SLC13A5: variants seen among roughly 807,000 people sequenced by gnomAD.
The protein encoded by SLC13A5 is Na(+)/citrate cotransporter.
Under a neutral mutation model 56.5 loss-of-function variants are expected in SLC13A5, and 25 were observed. The ratio of observed to expected loss-of-function variants is 0.44; its 90% confidence interval spans 0.32 to 0.62. The LOEUF is 0.62. Among genes scored for constraint, SLC13A5 ranks in the 20% least tolerant of loss-of-function variants. The pLI is 0.04. For synonymous variants in SLC13A5, 307 were observed against 301.5 expected (o/e 1.02, Z -0.19); for missense variants, 649 against 737.8 (o/e 0.88, Z 1.39).
chr17:6,706,532 C>T, intron 3 of SLC13A5, 110 bp downstream of exon 3: 2 of 1,456,304 alleles, frequency 1.4e-6, no homozygotes, highest in Non-Finnish European at 1.8e-6. Context: ...TCCAGGTAAG[C>T]CCATGGCCAG....
chr17:6,701,402 C>T lies in SLC13A5; in HGVS notation c.717-276G>A, dbSNP rs1973708666. On this transcript the variant is annotated intron_variant, in intron 5 of 11. Transcript: ENST00000433363. The surrounding 1 kb of genome is among the most constrained non-coding windows in gnomAD (Gnocchi z 4.1). ...CTAAGAGTCTCATGGAAGTTATGGC[C>T]CATCCCTCCAGAAAAATACAACTTT... 6.6e-6 allele frequency among the ~76,000 whole-genome samples: 1 copy of T among 152,200 alleles called. No individual in the cohort carries two copies.
rs115733013 is a variant in SLC13A5 at position 6,692,893 on chromosome 17, T to C, written c.1275+151A>G. 3 of 660,104 alleles carry C rather than the reference T, an allele frequency of 4.5e-6. No individual in the cohort carries two copies. The highest frequency in any genetic ancestry group is 5.5e-6 in the Non-Finnish European group (2 of 365,868). 40.9% of individuals were successfully genotyped at this position (660,104 alleles called of 1,614,324 possible). ...CTGTGTGTGGTGTAGAGTTCCTAGATGACAAGACAGAGTCCATGTCCTCAA... is the reference window on the plus strand; with the variant it reads ...CTGTGTGTGGTGTAGAGTTCCTAGACGACAAGACAGAGTCCATGTCCTCAA... On this transcript the variant is annotated intron_variant, in intron 9 of 11. Coordinates refer to ENST00000433363, the MANE Select transcript of SLC13A5 (RefSeq NM_177550.5). The surrounding 1 kb of genome is among the most constrained non-coding windows in gnomAD (Gnocchi z 5.5).
rs267605025 is a variant in SLC13A5, at chr17:6,703,915, C to G, written c.510G>C (p.Leu170=). The G allele has an allele frequency of 4.4e-6, 7 of 1,583,668 alleles. No individual in the cohort carries two copies. The highest frequency in any genetic ancestry group is 6.0e-6 in the Non-Finnish European group (7 of 1,163,056). Residue 170 remains leucine, a synonymous_variant, in exon 4 of 12, where the codon CTG becomes CTC. Coordinates refer to ENST00000433363, the MANE Select transcript of SLC13A5 (RefSeq NM_177550.5). The part of the protein sequence containing the change: ...EATSAATEAG[L]ELVDKGKAKE... ...TGGCCTTGCCCTTGTCCACCAGCTC[C>G]AGGCCGGCCTCGGTGGCTGCGCTTG...
intron 6 of SLC13A5, among the ~76,000 whole-genome samples, chr17:6,698,372 G>A (rs539234496): frequency 6.6e-6 from 1 of 152,304 alleles, no homozygotes; most frequent in South Asian, 2.1e-4. Context: ...AGTCTCCAGG[G>A]GCCTGACATC....
At position 6,711,051 on chromosome 17, in the gene SLC13A5, A is replaced by C. The variant is rs1974008659; in HGVS notation, c.102+2181T>G. 6.6e-6 allele frequency among the ~76,000 whole-genome samples: 1 copy of C among 151,924 alleles called. No individual in the cohort carries two copies. Among genetic ancestry groups the C allele is most frequent in the Non-Finnish European group, 1.5e-5 (1 of 67,972 alleles). Reference sequence around the variant, plus strand: ...AGGGAATCCAGGTGGAGACAGGAAAACTGGAGACAGTCGGTGAGGAGAGAG... The same window carrying C: ...AGGGAATCCAGGTGGAGACAGGAAACCTGGAGACAGTCGGTGAGGAGAGAG... On this transcript the variant is annotated intron_variant, in intron 1 of 11. Coordinates refer to ENST00000433363, the MANE Select transcript of SLC13A5 (RefSeq NM_177550.5). The surrounding 1 kb of genome is among the most constrained non-coding windows in gnomAD (Gnocchi z 4.0).
At position 6,687,880 on chromosome 17, in the gene SLC13A5, C is replaced by T. The variant is rs2150962081; in HGVS notation, c.1438-214G>A. 1 of 496,584 alleles carries T rather than the reference C, an allele frequency of 2.0e-6. No homozygotes were observed. Among genetic ancestry groups the T allele is most frequent in the Admixed American group, 4.3e-5 (1 of 23,408 alleles). 30.8% of individuals were successfully genotyped at this position (496,584 alleles called of 1,614,324 possible). ...GGCCACCTGCCCTAGAAGGCCTTAC[C>T]CCCTCAATTCATTCGACATGTATTT... On this transcript the variant is annotated intron_variant, in intron 10 of 11. Transcript: ENST00000433363. This position sits in a 1 kb window ranked among gnomAD's most constrained non-coding sequence, Gnocchi z 5.0.
Position 6,703,860 on chromosome 17 carries a change from C to A in SLC13A5, c.547+18G>T. ...AGGCTGCTGTTGTGGCCTGGCAGTGCCCTGGCCAGGGGCTCACCTGGCAGC... is the reference window on the plus strand; with the variant it reads ...AGGCTGCTGTTGTGGCCTGGCAGTGACCTGGCCAGGGGCTCACCTGGCAGC... On this transcript the variant is annotated intron_variant, in intron 4 of 11. Transcript: ENST00000433363. 6.6e-7 allele frequency: 1 copy of A among 1,520,560 alleles called. No individual in the cohort carries two copies. Among genetic ancestry groups the A allele is most frequent in the Non-Finnish European group, 8.8e-7 (1 of 1,135,642 alleles). The allele number at this position is 1,520,560 out of a possible 1,614,324, so 94.2% of individuals were successfully genotyped here. A position where few individuals can be genotyped will look rare whatever the true frequency, so the allele number is the denominator to read the frequency against.
At chr17:6,690,061 CAAAAAAAA>C (rs71157211) in intron 10 of SLC13A5, 1 of 33,392 alleles carries the variant, frequency 3.0e-5, no homozygotes, top group East Asian at 1.4e-3. Flanking sequence ...GAAGGAAATG[CAAAAAAAA>C]AAAAAAAAAA....
At chr17:6,707,901 T>G (rs1216807966) in intron 1 of SLC13A5, among the ~76,000 whole-genome samples, 1 of 152,194 alleles carries the variant, frequency 6.6e-6, no homozygotes, top group Admixed American at 6.5e-5. Flanking sequence ...CTAAAGCTAT[T>G]GAAATAAAAG....
chr17:6,705,719 A>G (rs938373395), intron 3 of SLC13A5, among the ~76,000 whole-genome samples: 3 of 152,168 alleles, frequency 2.0e-5, no homozygotes, highest in Non-Finnish European at 4.4e-5. Flanking sequence ...AGCCCCTGAC[A>G]CAGGGGCGCC....
Position 6,703,106 on chromosome 17 carries a change from C to T in SLC13A5, c.580G>A (p.Gly194Arg). The change falls in exon 5 of 12, where the codon GGG becomes AGG. Residue 194 changes from glycine to arginine, a missense_variant. Transcript: ENST00000433363. Reference sequence around the variant, plus strand: ...TTCCGCTCTTGGTCTTCCTGCTGCCCCAGAGTGGGGCCTTCAAAAATCACT... The same window carrying T: ...TTCCGCTCTTGGTCTTCCTGCTGCCTCAGAGTGGGGCCTTCAAAAATCACT... ...SQVIFEGPTL[G>R]QQEDQERKRL... is the part of the protein sequence containing the mutation. The T allele has an allele frequency of 6.2e-7, 1 of 1,614,178 alleles. No homozygotes were observed. The highest frequency in any genetic ancestry group is 1.3e-5 in the African/African-American group (1 of 75,076).
chr17:6,701,615 C>T lies in SLC13A5; in HGVS notation c.717-489G>A, dbSNP rs1973714980. On this transcript the variant is annotated intron_variant, in intron 5 of 11. Coordinates refer to ENST00000433363, the MANE Select transcript of SLC13A5 (RefSeq NM_177550.5). This position sits in a 1 kb window ranked among gnomAD's most constrained non-coding sequence, Gnocchi z 4.1. The stretch of plus-strand genomic sequence containing the variant: ...ATCCCAGCTAATAGGGAGGCTGAAG[C>T]GGGAGAATCGCTTGAACCCAGGAGG... 1.3e-5 allele frequency among the ~76,000 whole-genome samples: 2 copies of T among 152,238 alleles called. No homozygotes were observed. Among genetic ancestry groups the T allele is most frequent in the South Asian group, 2.1e-4 (1 of 4,826 alleles).
rs753260485 is a variant in SLC13A5, at chr17:6,687,597, T to G, written c.1507A>C (p.Met503Leu). ...TTTGGAGGGGTGGCCACAGGCAACA[T>G]GAAGGCAAAGGAGGCACTCAGGGTA... Reference protein sequence around the residue: ...PCTLSASFAFMLPVATPPNAI... With the variant: ...PCTLSASFAFLLPVATPPNAI... The change falls in exon 11 of 12, where the codon ATG (methionine) becomes CTG (leucine). Residue 503 changes from methionine to leucine, a missense_variant. Coordinates refer to ENST00000433363, the MANE Select transcript of SLC13A5 (RefSeq NM_177550.5). The surrounding 1 kb of genome is among the most constrained non-coding windows in gnomAD (Gnocchi z 5.0). The G allele has an allele frequency of 6.2e-7, 1 of 1,613,866 alleles. No individual in the cohort carries two copies. Among genetic ancestry groups the G allele is most frequent in the Non-Finnish European group, 8.5e-7 (1 of 1,179,940 alleles).
rs71157211 is a variant in SLC13A5, at chr17:6,690,061, C to CAAAAAAAAAAAAAAA, written c.1437+703_1437+717dup. ...TTGCAATGGATGACAGAAGGAAATG[C>CAAAAAAAAAAAAAAA]AAAAAAAAAAAAAAAAAAAAAAAAA... On this transcript the variant is annotated intron_variant, in intron 10 of 11. Transcript: ENST00000433363. 7.8e-4 allele frequency: 26 copies of CAAAAAAAAAAAAAAA among 33,422 alleles called. 3 individuals are homozygous for CAAAAAAAAAAAAAAA. Among genetic ancestry groups the CAAAAAAAAAAAAAAA allele is most frequent in the Non-Finnish European group, 1.2e-3 (20 of 16,242 alleles). The allele number at this position is 33,422 out of a possible 1,614,324, so 2.1% of individuals were successfully genotyped here.
rs1484028834 is a variant in SLC13A5, at chr17:6,703,940, G to T, written c.485C>A (p.Thr162Lys). The T allele has an allele frequency of 1.2e-6, 2 of 1,607,228 alleles. No homozygotes were observed. Among genetic ancestry groups the T allele is most frequent in the Admixed American group, 1.7e-5 (1 of 59,720 alleles). Residue 162 changes from threonine to lysine, a missense_variant, in exon 4 of 12, where the codon ACA becomes AAA. By Grantham distance (78) the Thr-to-Lys change is moderately conservative. Transcript: ENST00000433363. ...CAGGCCGGCCTCGGTGGCTGCGCTTGTGGCTTCCATCTGCTGCAATATGGC... is the reference window on the plus strand; with the variant it reads ...CAGGCCGGCCTCGGTGGCTGCGCTTTTGGCTTCCATCTGCTGCAATATGGC... ...VEAILQQMEA[T>K]SAATEAGLEL...
At chr17:6,709,929 C>G (rs555447061) in intron 1 of SLC13A5, among the ~76,000 whole-genome samples, 4 of 152,296 alleles carry the variant, frequency 2.6e-5, no homozygotes, top group Non-Finnish European at 5.9e-5. Context: ...TATGAGATGC[C>G]AGTAAGACTG....
chr17:6,708,993 CT>C (rs575087645), intron 1 of SLC13A5, among the ~76,000 whole-genome samples: 1,386 of 132,958 alleles, frequency 0.01, 15 homozygotes, highest in African/African-American at 0.013. Context: ...TCTTTTATTT[CT>C]TTTTTTTTTT....
Position 6,687,516 on chromosome 17 carries a change from A to G in SLC13A5, c.1575+13T>C. ...TATAGTCCGACGGGAGTAAATAAAAACAGCTGTGTTACCATGTCAGCAACC... is the reference window on the plus strand; with the variant it reads ...TATAGTCCGACGGGAGTAAATAAAAGCAGCTGTGTTACCATGTCAGCAACC... On this transcript the variant is annotated intron_variant, in intron 11 of 11. Coordinates refer to ENST00000433363, the MANE Select transcript of SLC13A5 (RefSeq NM_177550.5). The surrounding 1 kb of genome is among the most constrained non-coding windows in gnomAD (Gnocchi z 5.0). 6.2e-7 allele frequency: 1 copy of G among 1,613,400 alleles called. No homozygotes were observed. Among genetic ancestry groups the G allele is most frequent in the South Asian group, 1.1e-5 (1 of 90,844 alleles).
intron 10 of SLC13A5, chr17:6,689,959 G>T (rs1973351814): frequency 1.4e-5 from 2 of 145,936 alleles, no homozygotes; most frequent in South Asian, 4.4e-4. Flanking sequence ...CATGTTCAGA[G>T]ATCCCACATC....
Sources: allele counts gnomAD v4.1 joint callset (sites outside exome capture counted in the v4.1 genomes callset), GRCh38; gene constraint gnomAD v4.1.1; non-coding constraint Gnocchi (gnomAD v3.1); transcripts MANE v1.5; gene names NCBI Gene and HGNC (gene_info 2026-07-23, HGNC 2026-07-21).